The following RFX3 variants were observed in gnomAD, a reference collection of about 807,000 sequenced individuals.
The protein encoded by RFX3 is transcription factor RFX3.
RFX3 carries 14 observed loss-of-function variants against 98.6 expected under a neutral mutation model. The ratio of observed to expected loss-of-function variants is 0.14; its 90% CI spans 0.09 to 0.22. The LOEUF (loss-of-function observed/expected upper bound fraction) is 0.22. Among genes scored for constraint, RFX3 ranks in the 10% least tolerant of loss-of-function variants. RFX3 has a pLI of 1.00. For missense variants in RFX3, 639 were observed against 926.9 expected (o/e 0.69, Z 4.03); for synonymous variants, 383 against 328.4 (o/e 1.17, Z -1.80).
intron 2 of RFX3, among the ~76,000 whole-genome samples, chr9:3,366,695 T>TTTCTTTCC (rs1563993574): frequency 1.4e-5 from 1 of 71,576 alleles, no homozygotes; most frequent in African/African-American, 5.8e-5. Context: ...CTTTCTTTCC[T>TTTCTTTCC]TTCTTTCTTT....
intron 3 of RFX3, among the ~76,000 whole-genome samples, chr9:3,334,706 A>C (rs958046999): frequency 2.0e-5 from 3 of 152,202 alleles, no homozygotes; most frequent in Admixed American, 2.0e-4. Context: ...AAAGCACAGA[A>C]TTATATTAAG....
intron 1 of RFX3, among the ~76,000 whole-genome samples, chr9:3,455,362 GCCTTC>G (rs766574944): frequency 6.2e-4 from 94 of 152,104 alleles, no homozygotes; most frequent in African/African-American, 1.0e-3. Context: ...ATTCAGGCAA[GCCTTC>G]CCTTCCCTTC....
intron 5 of RFX3, among the ~76,000 whole-genome samples, chr9:3,298,515 C>T (rs1828269427): frequency 6.6e-6 from 1 of 151,704 alleles, no homozygotes; most frequent in South Asian, 2.1e-4. Context: ...CTACTATGTA[C>T]CAGGCACTGT....
At chr9:3,339,927 A>G (rs1833672089) in intron 3 of RFX3, among the ~76,000 whole-genome samples, 1 of 152,074 alleles carries the variant, frequency 6.6e-6, no homozygotes, top group Non-Finnish European at 1.5e-5. Flanking sequence ...GGAACCAAAA[A>G]AGAGCCCACA....
intron 4 of RFX3, among the ~76,000 whole-genome samples, chr9:3,326,582 A>C (rs1310696547): frequency 6.6e-6 from 1 of 152,148 alleles, no homozygotes; most frequent in Non-Finnish European, 1.5e-5. Context: ...GAGAACATGC[A>C]GTATTTGGTT....
chr9:3,272,203 T>C (rs1178400021), intron 9 of RFX3, among the ~76,000 whole-genome samples: 2 of 152,190 alleles, frequency 1.3e-5, no homozygotes, highest in South Asian at 2.1e-4. Flanking sequence ...ATTTTGGGCA[T>C]TAAAAGACAG....
intron 1 of RFX3, among the ~76,000 whole-genome samples, chr9:3,458,900 A>T (rs538959571): frequency 6.6e-6 from 1 of 152,204 alleles, no homozygotes; most frequent in Non-Finnish European, 1.5e-5. Context: ...CAAAAGCAGC[A>T]TCTTCAAACT....
chr9:3,444,223 CTCA>C (rs1197708119), intron 1 of RFX3, among the ~76,000 whole-genome samples: 1 of 152,112 alleles, frequency 6.6e-6, no homozygotes, highest in Non-Finnish European at 1.5e-5. Flanking sequence ...TGAAATACTA[CTCA>C]TCAATAAAAA....
intron 2 of RFX3, among the ~76,000 whole-genome samples, chr9:3,380,183 T>C (rs1839029697): frequency 1.3e-5 from 2 of 152,104 alleles, no homozygotes; most frequent in Admixed American, 6.6e-5. Flanking sequence ...AGCCTCAGCC[T>C]CCCAAAGTGC....
chr9:3,379,148 G>A lies in RFX3; in HGVS notation c.117+16324C>T, dbSNP rs547668852. ...CTACAGTGGGAGCAAAGGGAGACAT[G>A]GTCCCTGGATCATCAATGTACATTA... On this transcript the variant is annotated intron_variant, in intron 2 of 16. Transcript: ENST00000617270. Among the ~76,000 whole-genome samples, 17 of 152,244 alleles carry A rather than the reference G, an allele frequency of 1.1e-4. No homozygotes were observed. In the South Asian group the frequency reaches 3.5e-3, roughly 32 times the overall value.
chr9:3,228,068 C>T (rs1181178226), intron 16 of RFX3, among the ~76,000 whole-genome samples: 1 of 152,138 alleles, frequency 6.6e-6, no homozygotes, highest in Non-Finnish European at 1.5e-5. Context: ...GACCTCCCAC[C>T]CTCCGCCACC....
intron 5 of RFX3, among the ~76,000 whole-genome samples, chr9:3,295,615 T>A (rs1483242902): frequency 6.6e-6 from 1 of 152,084 alleles, no homozygotes; most frequent in Non-Finnish European, 1.5e-5. Flanking sequence ...TCCACAAGCA[T>A]GGAACACACA....
At chr9:3,347,215 G>GGAGGC (rs1312536919) in intron 2 of RFX3, among the ~76,000 whole-genome samples, 4 of 152,078 alleles carry the variant, frequency 2.6e-5, no homozygotes, top group African/African-American at 9.7e-5. Context: ...CAGTTACTTG[G>GGAGGC]GAGGCTGAGG....
At chr9:3,263,674 T>C (rs906102204) in intron 12 of RFX3, among the ~76,000 whole-genome samples, 2 of 152,212 alleles carry the variant, frequency 1.3e-5, no homozygotes, top group Non-Finnish European at 2.9e-5. Context: ...AATTAGAGTT[T>C]CTTTAAAAGG....
At chr9:3,293,795 G>A (rs916512386) in intron 5 of RFX3, among the ~76,000 whole-genome samples, 1 of 151,764 alleles carries the variant, frequency 6.6e-6, no homozygotes, top group Non-Finnish European at 1.5e-5. Context: ...TGTCTACTGC[G>A]ACAGATTCTG....
chr9:3,341,227 G>A (rs1833850519), intron 3 of RFX3, among the ~76,000 whole-genome samples: 1 of 151,978 alleles, frequency 6.6e-6, no homozygotes, highest in Non-Finnish European at 1.5e-5. Flanking sequence ...ACACAGGAAG[G>A]GGAACATCAC....
chr9:3,290,588 T>G (rs1018808433), intron 6 of RFX3, among the ~76,000 whole-genome samples: 2 of 152,152 alleles, frequency 1.3e-5, no homozygotes, highest in African/African-American at 4.8e-5. Flanking sequence ...AAAAGTACTA[T>G]AGAAACAAAA....
intron 1 of RFX3, among the ~76,000 whole-genome samples, chr9:3,479,973 C>A (rs1188096769): frequency 6.6e-6 from 1 of 152,162 alleles, no homozygotes; most frequent in African/African-American, 2.4e-5. Flanking sequence ...CTGGTATTGG[C>A]AAGCCAAGGA....
In RFX3 at chr9:3,292,977, T is replaced by G. The variant is rs952883209; in HGVS notation, c.731+100A>C. 3 of 912,540 alleles carry G rather than the reference T, an allele frequency of 3.3e-6. No individual in the cohort carries two copies. The African/African-American group carries it at 5.0e-5, about 15-fold the overall frequency. 56.5% of individuals were successfully genotyped at this position (912,540 alleles called of 1,614,324 possible). A position where few individuals can be genotyped will look rare whatever the true frequency, so the allele number is the denominator to read the frequency against. On this transcript the variant is annotated intron_variant, in intron 6 of 16. Transcript: ENST00000617270. The stretch of plus-strand genomic sequence containing the variant: ...TGAGCTCATTCTATGTATTTCCTTA[T>G]ATATTGTCTGTAATCAAGTACTTTT...
Sources: allele counts gnomAD v4.1 joint callset (sites outside exome capture counted in the v4.1 genomes callset), GRCh38; gene constraint gnomAD v4.1.1; transcripts MANE v1.5; gene names NCBI Gene and HGNC (gene_info 2026-07-23, HGNC 2026-07-21).